Variants in ZDHHC14 observed in about 807,000 individuals in gnomAD.
ZDHHC14 encodes the protein zDHHC palmitoyltransferase 14, also known as palmitoyltransferase ZDHHC14.
A neutral mutation model predicts 47.7 loss-of-function variants in ZDHHC14; 16 were observed. The observed-to-expected ratio is 0.34, with a 90% CI of 0.23 to 0.51. The LOEUF (loss-of-function observed/expected upper bound fraction) is 0.51, where lower values mean the gene tolerates loss of function less well. Among genes scored for constraint, ZDHHC14 ranks in the 20% least tolerant of loss-of-function variants. The pLI, the probability that ZDHHC14 is intolerant of heterozygous loss-of-function variation, is 0.97. For missense variants in ZDHHC14, 515 were observed against 662.5 expected, an observed-to-expected ratio of 0.78 and a Z score of 2.44; for synonymous variants, 293 against 278.9, an observed-to-expected ratio of 1.05 and a Z score of -0.50.
chr6:157,385,143 C>T (rs1441795463), intron 1 of ZDHHC14, among the ~76,000 whole-genome samples: 1 of 151,332 alleles, frequency 6.6e-6, no homozygotes, highest in Non-Finnish European at 1.5e-5. Flanking sequence ...GGCTGGAGTG[C>T]AGTGGCACAA....
At chr6:157,511,026 C>T (rs1780456185) in intron 1 of ZDHHC14, among the ~76,000 whole-genome samples, 1 of 152,252 alleles carries the variant, frequency 6.6e-6, no homozygotes, top group Non-Finnish European at 1.5e-5. Context: ...CTGTCTCCAA[C>T]TCCACCCTCG....
intron 8 of ZDHHC14, among the ~76,000 whole-genome samples, chr6:157,664,900 C>T (rs781097780): frequency 4.6e-5 from 7 of 152,282 alleles, no homozygotes; most frequent in East Asian, 1.9e-4. Context: ...TCCTCCTGAA[C>T]GGACCAGAAC....
intron 3 of ZDHHC14, among the ~76,000 whole-genome samples, chr6:157,606,272 C>T (rs147283596): frequency 0.051 from 7,717 of 152,050 alleles, 258 homozygotes; most frequent in Middle Eastern, 0.13. Flanking sequence ...TGAGACTAGC[C>T]ATGGCCAACA....
chr6:157,630,579 CTT>C (rs1785644176), intron 4 of ZDHHC14: 1 of 151,190 alleles, frequency 6.6e-6, no homozygotes, highest in East Asian at 2.0e-4. Flanking sequence ...CCCACACACC[CTT>C]ACACACTCAC....
At chr6:157,452,643 A>G (rs1352832668) in intron 1 of ZDHHC14, among the ~76,000 whole-genome samples, 2 of 151,564 alleles carry the variant, frequency 1.3e-5, no homozygotes, top group Non-Finnish European at 2.9e-5. Context: ...CCCAAATTGA[A>G]AGGAAAGGTG....
At chr6:157,522,167 C>T (rs1054136505) in intron 1 of ZDHHC14, among the ~76,000 whole-genome samples, 1 of 152,126 alleles carries the variant, frequency 6.6e-6, no homozygotes, top group Non-Finnish European at 1.5e-5. Context: ...CCTACCCGTA[C>T]AGTTGCCACG....
At chr6:157,384,827 A>T (rs1190697675) in intron 1 of ZDHHC14, among the ~76,000 whole-genome samples, 1 of 152,250 alleles carries the variant, frequency 6.6e-6, no homozygotes, top group African/African-American at 2.4e-5. Flanking sequence ...TCCCTAAGCG[A>T]GATCCAGAGG....
chr6:157,603,038 A>G (rs1479672090), intron 3 of ZDHHC14, among the ~76,000 whole-genome samples: 6 of 152,182 alleles, frequency 3.9e-5, no homozygotes, highest in African/African-American at 1.4e-4. Context: ...CCGTGGGGCC[A>G]TCGTCCCCCT....
At chr6:157,670,333 G>A (rs1230233074) in intron 8 of ZDHHC14, among the ~76,000 whole-genome samples, 5 of 152,088 alleles carry the variant, frequency 3.3e-5, no homozygotes, top group South Asian at 4.1e-4. Flanking sequence ...TTGCTCTGTC[G>A]CCCAGGCTGG....
At chr6:157,573,786 G>A (rs980314652) in intron 2 of ZDHHC14, among the ~76,000 whole-genome samples, 2 of 152,168 alleles carry the variant, frequency 1.3e-5, no homozygotes, top group African/African-American at 2.4e-5. Flanking sequence ...CAGAGGAAGC[G>A]CAGCTCAGCC....
At chr6:157,601,730 AG>A (rs1327991576) in intron 3 of ZDHHC14, among the ~76,000 whole-genome samples, 1 of 152,238 alleles carries the variant, frequency 6.6e-6, no homozygotes, top group East Asian at 1.9e-4. Flanking sequence ...TGAAGTCCAA[AG>A]ATGAGTTACA....
intron 1 of ZDHHC14, among the ~76,000 whole-genome samples, chr6:157,435,305 G>T (rs1251385152): frequency 6.6e-6 from 1 of 152,236 alleles, no homozygotes. Context: ...CGAGAAGAGG[G>T]CAAGAGCAAG....
At chr6:157,655,259 G>T (rs780327347) in intron 8 of ZDHHC14, among the ~76,000 whole-genome samples, 2 of 152,176 alleles carry the variant, frequency 1.3e-5, no homozygotes, top group African/African-American at 4.8e-5. Flanking sequence ...TTCAGGGCGC[G>T]TGGTGGTCAG....
intron 1 of ZDHHC14, among the ~76,000 whole-genome samples, chr6:157,441,302 CA>C (rs573114664): frequency 6.3e-4 from 96 of 152,330 alleles, no homozygotes; most frequent in South Asian, 2.3e-3. Context: ...GAGAGCTCTT[CA>C]GCTAGAAGTT....
chr6:157,448,432 G>A (rs1778730892), intron 1 of ZDHHC14, among the ~76,000 whole-genome samples: 1 of 152,080 alleles, frequency 6.6e-6, no homozygotes, highest in African/African-American at 2.4e-5. Flanking sequence ...AAATCATTTT[G>A]ATCAATATTC....
In ZDHHC14 at chr6:157,427,267, T is replaced by C. The variant is rs530402805; in HGVS notation, c.245+45001T>C. On this transcript the variant is annotated intron_variant, in intron 1 of 8. Coordinates refer to ENST00000359775, the MANE Select transcript of ZDHHC14 (RefSeq NM_024630.3). This position sits in a 1 kb window ranked among gnomAD's most constrained non-coding sequence, Gnocchi z 4.4. ...TATCTGTGTTCAGAAGCCAGTGTGA[T>C]GGTTGATTTTAAACATAATACAGCA... Among the ~76,000 whole-genome samples, 1 of 152,176 alleles carries C rather than the reference T, an allele frequency of 6.6e-6. No homozygotes were observed. The highest frequency in any genetic ancestry group is 2.4e-5 in the African/African-American group (1 of 41,522).
At chr6:157,608,178 T>A (rs1457714933) in intron 3 of ZDHHC14, among the ~76,000 whole-genome samples, 1 of 152,176 alleles carries the variant, frequency 6.6e-6, no homozygotes, top group Non-Finnish European at 1.5e-5. Flanking sequence ...GCCGTCATGC[T>A]GTATGTGCTC....
At chr6:157,540,151 G>T (rs1781692642) in intron 1 of ZDHHC14, among the ~76,000 whole-genome samples, 1 of 152,220 alleles carries the variant, frequency 6.6e-6, no homozygotes, top group Non-Finnish European at 1.5e-5. Flanking sequence ...GAACAAATCA[G>T]TGTGTGCTCA....
intron 2 of ZDHHC14, among the ~76,000 whole-genome samples, chr6:157,551,519 T>C (rs1012582167): frequency 1.3e-5 from 2 of 152,014 alleles, no homozygotes; most frequent in Non-Finnish European, 2.9e-5. Flanking sequence ...CATGGAAGAG[T>C]AATGTCAGCA....
Sources: gnomAD v4.1 joint callset for allele counts (sites outside exome capture counted in the v4.1 genomes callset) on GRCh38, gnomAD v4.1.1 for gene constraint, Gnocchi (gnomAD v3.1) non-coding constraint, MANE v1.5 for transcripts, NCBI Gene and HGNC (gene_info 2026-07-23, HGNC 2026-07-21) for gene names.